Variants in FKBP6 observed in about 807,000 individuals in gnomAD.
FKBP6 encodes the protein FKBP prolyl isomerase family member 6 (inactive).
In FKBP6, 29 loss-of-function variants were observed where a neutral mutation model predicts 41.7. The observed-to-expected ratio is 0.70, with a 90% CI of 0.52 to 0.95. FKBP6 has a LOEUF of 0.95. Among genes scored for constraint, FKBP6 ranks in the 40% least tolerant of loss-of-function variants. The pLI is 0.00. For synonymous variants in FKBP6, 130 were observed against 165.1 expected, an observed-to-expected ratio of 0.79 and a Z score of 1.63; for missense variants, 338 against 408.7, an observed-to-expected ratio of 0.83 and a Z score of 1.49.
At chr7:73,330,413 G>A (rs1804801848) in intron 4 of FKBP6, 61 bp downstream of exon 4, 12 of 1,326,342 alleles carry the variant, frequency 9.0e-6, no homozygotes, top group Non-Finnish European at 1.3e-5. Context: ...GGTGTTATTG[G>A]TAATTCTTCT....
Position 73,331,766 on chromosome 7 carries a change from G to A in FKBP6, c.578G>A (p.Arg193Lys). ...RQNRFYDAKVRYKRALLLLRR... is the reference protein window; with the variant it reads ...RQNRFYDAKVKYKRALLLLRR... ...AATCGTTTCTATGATGCCAAAGTGAGATATAAAAGGGTGAGAATGCTTTGA... is the reference window on the plus strand; with the variant it reads ...AATCGTTTCTATGATGCCAAAGTGAAATATAAAAGGGTGAGAATGCTTTGA... The change falls in exon 5 of 9, where the codon AGA (arginine) becomes AAA (lysine). Residue 193 changes from arginine to lysine, a missense_variant. This residue lies in a region of FKBP6 where 239 missense variants were observed against 250.1 expected (regional missense o/e 0.96). Coordinates refer to ENST00000252037, the MANE Select transcript of FKBP6 (RefSeq NM_003602.5). 6.2e-7 allele frequency: 1 copy of A among 1,613,990 alleles called. No individual in the cohort carries two copies. The highest frequency in any genetic ancestry group is 8.5e-7 in the Non-Finnish European group (1 of 1,179,840).
chr7:73,349,284 C>A (rs1554550753), intron 8 of FKBP6, among the ~76,000 whole-genome samples: 1 of 151,608 alleles, frequency 6.6e-6, no homozygotes, highest in African/African-American at 2.4e-5. Context: ...TGGCACATGC[C>A]TGTAATCCCA....
At chr7:73,341,976 T>C (rs1805204459) in intron 7 of FKBP6, among the ~76,000 whole-genome samples, 1 of 151,928 alleles carries the variant, frequency 6.6e-6, no homozygotes, top group Non-Finnish European at 1.5e-5. Flanking sequence ...CCGGTGTCAC[T>C]TAAAAAGAGT....
At chr7:73,344,953 T>C (rs537341520) in intron 8 of FKBP6, among the ~76,000 whole-genome samples, 1 of 152,374 alleles carries the variant, frequency 6.6e-6, no homozygotes, top group East Asian at 1.9e-4. Flanking sequence ...AGATTACTTC[T>C]GGAGGAATGA....
chr7:73,341,622 C>G (rs1805192223), intron 7 of FKBP6, among the ~76,000 whole-genome samples: 1 of 107,814 alleles, frequency 9.3e-6, no homozygotes, highest in Non-Finnish European at 2.3e-5. Context: ...TCTGTTTCCC[C>G]TACCGCAAAT....
At chr7:73,354,597 A>G (rs2115985584) in intron 8 of FKBP6, among the ~76,000 whole-genome samples, 1 of 152,298 alleles carries the variant, frequency 6.6e-6, no homozygotes, top group African/African-American at 2.4e-5. Flanking sequence ...ATTTTTGGAG[A>G]TATCCAGATT....
At chr7:73,344,219 G>A (rs1183609227) in intron 8 of FKBP6, among the ~76,000 whole-genome samples, 1 of 152,222 alleles carries the variant, frequency 6.6e-6, no homozygotes, top group Non-Finnish European at 1.5e-5. Context: ...GTCCTGTCAT[G>A]AATGAAGACC....
intron 8 of FKBP6, among the ~76,000 whole-genome samples, chr7:73,356,822 C>G (rs782497097): frequency 3.9e-5 from 6 of 152,170 alleles, no homozygotes; most frequent in Non-Finnish European, 8.8e-5. Context: ...CTCTTGTCAC[C>G]CAGGCTGGAG....
Position 73,340,835 on chromosome 7 carries a change from G to A in FKBP6, c.783+3G>A, listed in dbSNP as rs1805156961. On this transcript the variant is annotated splice_donor_region_variant and intron_variant, in intron 6 of 8. Coordinates refer to ENST00000252037, the MANE Select transcript of FKBP6 (RefSeq NM_003602.5). ...AGGCCCTCTTCAGGTGTGGACAGGTGAGTTGGAAGCCAGTGACTTGGGAAT... is the reference window on the plus strand; with the variant it reads ...AGGCCCTCTTCAGGTGTGGACAGGTAAGTTGGAAGCCAGTGACTTGGGAAT... 1 of 1,609,266 alleles carries A rather than the reference G, an allele frequency of 6.2e-7. No homozygotes were observed.
intron 8 of FKBP6, among the ~76,000 whole-genome samples, chr7:73,354,273 G>A (rs528751068): frequency 1.4e-4 from 21 of 152,306 alleles, no homozygotes; most frequent in South Asian, 2.1e-4. Context: ...GGAAGTAATC[G>A]CACTCCCTGC....
chr7:73,353,193 C>T (rs895663070), intron 8 of FKBP6, among the ~76,000 whole-genome samples: 1 of 152,136 alleles, frequency 6.6e-6, no homozygotes, highest in Non-Finnish European at 1.5e-5. Context: ...GACCCTCCTG[C>T]CTCCCTTTTA....
chr7:73,334,123 A>C (rs180896333), intron 5 of FKBP6, among the ~76,000 whole-genome samples: 129 of 152,302 alleles, frequency 8.5e-4, no homozygotes, highest in Admixed American at 1.8e-3. Context: ...ACAACAACAA[A>C]AAAATCTTAC....
At chr7:73,332,811 C>T (rs1395639992) in intron 5 of FKBP6, among the ~76,000 whole-genome samples, 3 of 152,156 alleles carry the variant, frequency 2.0e-5, no homozygotes, top group Admixed American at 6.5e-5. Flanking sequence ...CTCCACCAAC[C>T]GATTTCTCCA....
At chr7:73,346,491 A>C (rs1057101557) in intron 8 of FKBP6, among the ~76,000 whole-genome samples, 1 of 152,218 alleles carries the variant, frequency 6.6e-6, no homozygotes, top group Non-Finnish European at 1.5e-5. Flanking sequence ...GCATGGGCCC[A>C]AGGGGCCCCA....
At chr7:73,342,620 C>T (rs782567181) in intron 7 of FKBP6, among the ~76,000 whole-genome samples, 187 bp from the exon 8 acceptor site, 1 of 152,212 alleles carries the variant, frequency 6.6e-6, no homozygotes, top group Non-Finnish European at 1.5e-5. Flanking sequence ...AGGGGCTTGG[C>T]TCCTTGGCCA....
At chr7:73,337,102 T>C (rs771424391) in intron 5 of FKBP6, 1 of 324,360 alleles carries the variant, frequency 3.1e-6, no homozygotes, top group Non-Finnish European at 6.1e-6. Flanking sequence ...ACAATTTCAT[T>C]TGGGTATGAG....
chr7:73,356,773 T>C (rs1474580482), intron 8 of FKBP6, among the ~76,000 whole-genome samples: 3 of 152,300 alleles, frequency 2.0e-5, no homozygotes, highest in East Asian at 1.9e-4. Flanking sequence ...TCTTCTCCTC[T>C]TGTATCTTTT....
intron 8 of FKBP6, among the ~76,000 whole-genome samples, chr7:73,349,265 C>T (rs1383474605): frequency 1.3e-5 from 2 of 149,388 alleles, no homozygotes; most frequent in East Asian, 4.0e-4. Flanking sequence ...CAAAATTAGC[C>T]AGGCGTGGTG....
At chr7:73,331,874 T>C in intron 5 of FKBP6, 98 bp downstream of exon 5, 1 of 1,342,680 alleles carries the variant, frequency 7.4e-7, no homozygotes, top group Admixed American at 1.7e-5. Flanking sequence ...TGTTTTGTTT[T>C]GTTTTTGAGA....
Sources: allele counts gnomAD v4.1 joint callset (sites outside exome capture counted in the v4.1 genomes callset), GRCh38; gene constraint gnomAD v4.1.1; regional missense constraint gnomAD v4.1.1; transcripts MANE v1.5; gene names NCBI Gene and HGNC (gene_info 2026-07-23, HGNC 2026-07-21).